ANK2: variants seen among roughly 807,000 people sequenced by gnomAD.
ANK2 encodes ankyrin 2.
A neutral mutation model predicts 360.5 loss-of-function variants in ANK2; 83 were observed. The observed-to-expected ratio is 0.23, with a 90% CI of 0.19 to 0.28. The LOEUF (loss-of-function observed/expected upper bound fraction) is 0.28, where lower values mean the gene tolerates loss of function less well. Among genes scored for constraint, ANK2 ranks in the 10% least tolerant of loss-of-function variants. The pLI is 1.00. For missense variants in ANK2, 4,201 were observed against 4,795.7 expected (o/e 0.88, Z 3.66); for synonymous variants, 1,740 against 1,759.5 (o/e 0.99, Z 0.28).
intron 2 of ANK2, among the ~76,000 whole-genome samples, chr4:113,023,732 CT>C (rs2058665107): frequency 6.6e-6 from 1 of 152,156 alleles, no homozygotes; most frequent in African/African-American, 2.4e-5. Context: ...ACAGCGGGGT[CT>C]TTGTTTTGTT....
intron 23 of ANK2, among the ~76,000 whole-genome samples, chr4:113,306,597 G>A (rs1034011050): frequency 6.6e-6 from 1 of 152,190 alleles, no homozygotes; most frequent in Non-Finnish European, 1.5e-5. Flanking sequence ...TAAGAAAAGA[G>A]AAAGCATTTA....
intron 23 of ANK2, among the ~76,000 whole-genome samples, chr4:113,306,391 T>C (rs1233696953): frequency 6.6e-6 from 1 of 152,102 alleles, no homozygotes; most frequent in Non-Finnish European, 1.5e-5. Flanking sequence ...AATCCTCCAG[T>C]CATTTGGTCT....
chr4:113,063,378 A>G (rs565191092), intron 1 of ANK2, among the ~76,000 whole-genome samples: 20 of 152,272 alleles, frequency 1.3e-4, no homozygotes, highest in African/African-American at 4.8e-4. Context: ...CTCAGAAAAC[A>G]TATGGTACTT....
intron 1 of ANK2, among the ~76,000 whole-genome samples, chr4:112,894,842 C>T (rs185321732): frequency 2.0e-5 from 3 of 152,192 alleles, no homozygotes; most frequent in African/African-American, 4.8e-5. Flanking sequence ...TGCTTTAGAA[C>T]AGCAGAGCTC....
intron 27 of ANK2, among the ~76,000 whole-genome samples, chr4:113,331,628 A>G (rs1044104454): frequency 7.2e-5 from 11 of 152,216 alleles, no homozygotes; most frequent in Non-Finnish European, 1.2e-4. Flanking sequence ...GGGAATATGC[A>G]TGAAAACATC....
Position 112,924,943 on chromosome 4 carries a change from A to G in ANK2, c.21+20429A>G, listed in dbSNP as rs527688226. Among the ~76,000 whole-genome samples the G allele has an allele frequency of 2.6e-5, 4 of 151,618 alleles. No individual in the cohort carries two copies. In the East Asian group the frequency reaches 7.8e-4, roughly 29 times the overall value. On this transcript the variant is annotated intron_variant, in intron 2 of 30. Coordinates refer to the ANK2 transcript ENST00000503271. ...AAGCTCCACCTCCCCGGTTCACGCA[A>G]TCCTACTGCCTCAGCCTCCTGAGTA...
chr4:112,969,799 C>A (rs1390465808), intron 2 of ANK2, among the ~76,000 whole-genome samples: 1 of 152,126 alleles, frequency 6.6e-6, no homozygotes, highest in Non-Finnish European at 1.5e-5. Context: ...TCAGCAATCT[C>A]CTTTTATATT....
chr4:113,093,431 G>A (rs1169601655), intron 1 of ANK2, among the ~76,000 whole-genome samples: 3 of 151,820 alleles, frequency 2.0e-5, no homozygotes, highest in East Asian at 1.9e-4. Flanking sequence ...GTGTAATCTC[G>A]CCTCACTGCA....
chr4:113,167,983 T>C (rs1366532376), intron 1 of ANK2, among the ~76,000 whole-genome samples: 1 of 152,206 alleles, frequency 6.6e-6, no homozygotes, highest in African/African-American at 2.4e-5. Context: ...TACTCTCTTT[T>C]AAAATACAAG....
chr4:113,291,538 T>C (rs1038206128), intron 20 of ANK2, among the ~76,000 whole-genome samples: 2 of 152,228 alleles, frequency 1.3e-5, no homozygotes, highest in African/African-American at 4.8e-5. Flanking sequence ...AAAGAAATCA[T>C]GTAGCACCCA....
rs116715187 is a variant in ANK2, at chr4:113,285,889, C to G, written c.2080-1716C>G. 5.5e-3 allele frequency among the ~76,000 whole-genome samples: 832 copies of G among 152,308 alleles called. 7 individuals are homozygous for G. The highest frequency in any genetic ancestry group is 0.019 in the African/African-American group (789 of 41,566). The stretch of plus-strand genomic sequence containing the variant: ...AGGCCTAAAACGCACAACGTTATAA[C>G]AAAAGACTGTAATAACGGCTATGGG... On this transcript the variant is annotated intron_variant, in intron 18 of 45. Transcript: ENST00000357077.
At chr4:113,139,355 T>A (rs545182367) in intron 1 of ANK2, among the ~76,000 whole-genome samples, 5 of 152,224 alleles carry the variant, frequency 3.3e-5, no homozygotes, top group African/African-American at 4.8e-5. Flanking sequence ...GGAAACTTAC[T>A]ACAAGTGTTT....
At chr4:113,044,994 GA>G (rs1464769925), upstream of ANK2, among the ~76,000 whole-genome samples, 4 of 152,258 alleles carry the variant, frequency 2.6e-5, no homozygotes, top group East Asian at 7.7e-4. Context: ...AAAGCCTTTT[GA>G]GGGCTTTAGA....
At position 113,335,151 on chromosome 4, in the gene ANK2, A is replaced by G. The variant is rs75094897; in HGVS notation, c.3380-695A>G. On this transcript the variant is annotated intron_variant, in intron 29 of 45. Coordinates refer to ENST00000357077, the MANE Select transcript of ANK2 (RefSeq NM_001148.6). ...TGATTTTTTTTGTATTGCCCTGAAT[A>G]TCTACACTAATGCAATTTATAAAGA... is the stretch of plus-strand genomic sequence containing the variant. 0.013 allele frequency among the ~76,000 whole-genome samples: 1,945 copies of G among 152,302 alleles called. 168 individuals are homozygous for G. In the East Asian group the frequency reaches 0.25, roughly 19 times the overall value.
intron 17 of ANK2, among the ~76,000 whole-genome samples, chr4:113,280,524 A>G (rs2061890307): frequency 6.6e-6 from 1 of 152,178 alleles, no homozygotes; most frequent in Non-Finnish European, 1.5e-5. Context: ...AGAGGGCTCC[A>G]GATGGTAAGA....
intron 1 of ANK2, among the ~76,000 whole-genome samples, chr4:113,102,460 A>G (rs1403268585): frequency 2.6e-5 from 4 of 152,080 alleles, no homozygotes; most frequent in Non-Finnish European, 5.9e-5. Context: ...CATATATGAG[A>G]TTTACCACCA....
At chr4:113,309,083 T>C (rs1388941206) in intron 23 of ANK2, among the ~76,000 whole-genome samples, 1 of 152,234 alleles carries the variant, frequency 6.6e-6, no homozygotes, top group East Asian at 1.9e-4. Flanking sequence ...ATTCTGTTAA[T>C]TTCTACTTGC....
chr4:112,861,297 A>T (rs1392494706), intron 1 of ANK2, among the ~76,000 whole-genome samples: 1 of 152,202 alleles, frequency 6.6e-6, no homozygotes, highest in African/African-American at 2.4e-5. Flanking sequence ...CTTATGGGCT[A>T]CTTCCTGGGT....
intron 4 of ANK2, among the ~76,000 whole-genome samples, chr4:113,212,666 G>A (rs890088205): frequency 6.6e-6 from 1 of 152,168 alleles, no homozygotes; most frequent in Non-Finnish European, 1.5e-5. Flanking sequence ...TCATGTAAAT[G>A]TGTCTCAGAG....
Sources: gnomAD v4.1 joint callset for allele counts (sites outside exome capture counted in the v4.1 genomes callset) on GRCh38, gnomAD v4.1.1 for gene constraint, MANE v1.5 for transcripts, NCBI Gene and HGNC (gene_info 2026-07-23, HGNC 2026-07-21) for gene names.